The following ACTN4 variants were observed in gnomAD, a reference collection of about 807,000 sequenced individuals.
The protein encoded by ACTN4 is actinin alpha 4.
In ACTN4, 18 loss-of-function variants were observed where a neutral mutation model predicts 114.2. The ratio of observed to expected loss-of-function variants is 0.16; its 90% CI spans 0.11 to 0.23. The LOEUF (loss-of-function observed/expected upper bound fraction) is 0.23. Ranked by LOEUF, ACTN4 falls within the 10% of genes least tolerant of loss-of-function variation. The pLI is 1.00. For synonymous variants in ACTN4, 515 were observed against 506.3 expected (o/e 1.02, Z -0.23); for missense variants, 722 against 1,262.9 (o/e 0.57, Z 6.49).
chr19:38,670,851 C>T (rs1268405411), intron 1 of ACTN4, among the ~76,000 whole-genome samples: 1 of 150,530 alleles, frequency 6.6e-6, no homozygotes. Flanking sequence ...TGAACCAGGG[C>T]GTCGGAGGTT....
chr19:38,727,769 C>T lies in ACTN4; in HGVS notation c.2338-177C>T. 1.6e-6 allele frequency: 1 copy of T among 636,064 alleles called. No homozygotes were observed. 39.4% of individuals were successfully genotyped at this position (636,064 alleles called of 1,614,324 possible). ...GAGGTTGGGGAAAGGATGAAAGGGG[C>T]CCGTGCCGCCCCCGACCCCACGTGT... On this transcript the variant is annotated intron_variant, in intron 18 of 20. Coordinates refer to ENST00000252699, the MANE Select transcript of ACTN4 (RefSeq NM_004924.6). The surrounding 1 kb of genome is among the most constrained non-coding windows in gnomAD (Gnocchi z 5.4).
chr19:38,694,262 TTC>T (rs1197993284), intron 1 of ACTN4, among the ~76,000 whole-genome samples: 1 of 145,046 alleles, frequency 6.9e-6, no homozygotes, highest in Non-Finnish European at 1.5e-5. Context: ...GGCTGGGGCC[TTC>T]TTTTTTTTTT....
Position 38,651,307 on chromosome 19 carries a change from C to T in ACTN4, c.162+3400C>T, listed in dbSNP as rs187545453. 9.2e-5 allele frequency among the ~76,000 whole-genome samples: 14 copies of T among 152,250 alleles called. No individual in the cohort carries two copies. The East Asian group carries it at 2.7e-3, about 29-fold the overall frequency. On this transcript the variant is annotated intron_variant, in intron 1 of 20. Coordinates refer to ENST00000252699, the MANE Select transcript of ACTN4 (RefSeq NM_004924.6). ...CCCTTTGCTCTGACTTCTAGGGACC[C>T]CTGTAACCCGTAAGTAGGTTATGCA...
At chr19:38,722,207 CGCTGAG>C (rs1287392501) in intron 12 of ACTN4, among the ~76,000 whole-genome samples, 17 of 152,266 alleles carry the variant, frequency 1.1e-4, no homozygotes, top group Non-Finnish European at 2.1e-4. Context: ...ACAATTAGTA[CGCTGAG>C]GGTCGCGCTG....
Position 38,672,925 on chromosome 19 carries a change from T to C in ACTN4, c.162+25018T>C, listed in dbSNP as rs187413687. Among the ~76,000 whole-genome samples, 239 of 149,584 alleles carry C rather than the reference T, an allele frequency of 1.6e-3. 3 individuals are homozygous for C. The highest frequency in any genetic ancestry group is 0.013 in the East Asian group (63 of 4,942). On this transcript the variant is annotated intron_variant, in intron 1 of 20. Coordinates refer to ENST00000252699, the MANE Select transcript of ACTN4 (RefSeq NM_004924.6). ...ATCTCAGCATGATTGATGGAGATGA[T>C]GGGGTTGGCCATCCATTCTTTTTTT...
chr19:38,661,948 G>T (rs951370463), intron 1 of ACTN4, among the ~76,000 whole-genome samples: 1 of 152,086 alleles, frequency 6.6e-6, no homozygotes. Context: ...CACCGCGCCC[G>T]GCCTGGCAGC....
At position 38,711,843 on chromosome 19, in the gene ACTN4, G is replaced by A. The variant is rs139165859; in HGVS notation, c.819+1501G>A. Among the ~76,000 whole-genome samples the A allele has an allele frequency of 2.5e-3, 387 of 152,336 alleles. 2 individuals carry two copies. Among genetic ancestry groups the A allele is most frequent in the African/African-American group, 8.8e-3 (367 of 41,566 alleles). ...AGCCCAACCTGCACTCACGGTCCCA[G>A]CCCTCCAGAGGCCAGGCAGAGCCCA... is the stretch of plus-strand genomic sequence containing the variant. On this transcript the variant is annotated intron_variant, in intron 8 of 20. Transcript: ENST00000252699.
intron 11 of ACTN4, among the ~76,000 whole-genome samples, chr19:38,719,706 A>G (rs993903675): frequency 2.0e-5 from 3 of 152,228 alleles, no homozygotes; most frequent in Non-Finnish European, 2.9e-5. Context: ...GTCCTTATCC[A>G]TGGAGGCCTG....
Position 38,717,195 on chromosome 19 carries a change from T to C in ACTN4, c.1022T>C (p.Val341Ala), listed in dbSNP as rs1241712861. 1 of 1,614,090 alleles carries C rather than the reference T, an allele frequency of 6.2e-7. No individual in the cohort carries two copies. The highest frequency in any genetic ancestry group is 8.5e-7 in the Non-Finnish European group (1 of 1,180,048). The stretch of plus-strand genomic sequence containing the variant: ...GAGGACTTCCGCGACTACCGGCGTG[T>C]GCACAAGCCGCCCAAGGTGCAGGAG... ...KLEDFRDYRR[V>A]HKPPKVQEKC... Residue 341 changes from valine to alanine, a missense_variant, in exon 10 of 21, where the codon GTG (valine) becomes GCG (alanine). Val to Ala is a moderately conservative substitution (Grantham distance 64). Transcript: ENST00000252699. The surrounding 1 kb of genome is among the most constrained non-coding windows in gnomAD (Gnocchi z 4.0).
At chr19:38,713,616 G>C (rs968823698) in intron 8 of ACTN4, among the ~76,000 whole-genome samples, 2 of 152,216 alleles carry the variant, frequency 1.3e-5, no homozygotes, top group Non-Finnish European at 2.9e-5. Flanking sequence ...CAGGTGCCAT[G>C]TGTGGAGGGG....
chr19:38,650,001 G>A (rs1302227810), intron 1 of ACTN4, among the ~76,000 whole-genome samples: 1 of 152,162 alleles, frequency 6.6e-6, no homozygotes, highest in East Asian at 1.9e-4. Flanking sequence ...TGAGGGGAAG[G>A]TGAGATCTGT....
chr19:38,730,776 A>G lies in ACTN4; in HGVS notation c.*1344A>G, dbSNP rs1186192355. ...GTGGATGCCAGAGAGAGTGGCACCC[A>G]TGCCAGGCAAGGCCTAGGGAGGTGG... On this transcript the variant is annotated 3_prime_UTR_variant, in exon 21 of 21. Transcript: ENST00000252699. 7.2e-6 allele frequency: 11 copies of G among 1,522,180 alleles called. No individual in the cohort carries two copies. The highest frequency in any genetic ancestry group is 8.0e-6 in the Non-Finnish European group (9 of 1,123,664). 94.3% of individuals were successfully genotyped at this position (1,522,180 alleles called of 1,614,324 possible).
intron 8 of ACTN4, among the ~76,000 whole-genome samples, chr19:38,713,662 G>A (rs1272287028): frequency 6.6e-6 from 1 of 152,220 alleles, no homozygotes; most frequent in Non-Finnish European, 1.5e-5. Flanking sequence ...CACTGGCTCT[G>A]AGCCGTTGGC....
At chr19:38,676,094 T>C (rs1967366933) in intron 1 of ACTN4, among the ~76,000 whole-genome samples, 1 of 152,184 alleles carries the variant, frequency 6.6e-6, no homozygotes, top group Admixed American at 6.5e-5. Context: ...TAGGGTCTTG[T>C]TCTGTGGGAT....
chr19:38,702,611 T>A (rs1443499685), intron 3 of ACTN4, among the ~76,000 whole-genome samples: 1 of 152,094 alleles, frequency 6.6e-6, no homozygotes, highest in East Asian at 1.9e-4. Context: ...GTGCACAGAA[T>A]AGATTTCCTG....
rs1006790357 is a variant in ACTN4 at position 38,724,398 on chromosome 19, C to A, written c.1876-33C>A. On this transcript the variant is annotated intron_variant, in intron 15 of 20. Coordinates refer to ENST00000252699, the MANE Select transcript of ACTN4 (RefSeq NM_004924.6). This position sits in a 1 kb window ranked among gnomAD's most constrained non-coding sequence, Gnocchi z 7.0. ...GACGGCGGGGCTGGGGGCCACCTCC[C>A]TGACCGCTCCCACACCGCGTCTCCT... 1 of 1,611,888 alleles carries A rather than the reference C, an allele frequency of 6.2e-7. No homozygotes were observed. Among genetic ancestry groups the A allele is most frequent in the Non-Finnish European group, 8.5e-7 (1 of 1,179,450 alleles).
At chr19:38,726,069 C>T (rs913474040) in intron 17 of ACTN4, among the ~76,000 whole-genome samples, 166 bp downstream of exon 17, 2 of 152,128 alleles carry the variant, frequency 1.3e-5, no homozygotes, top group African/African-American at 2.4e-5. Flanking sequence ...GGGAGGATGG[C>T]TTGAGCCCAG....
chr19:38,728,433 T>A, intron 19 of ACTN4: 2 of 963,394 alleles, frequency 2.1e-6, no homozygotes, highest in Non-Finnish European at 1.4e-6. Flanking sequence ...CTCCTCCTCC[T>A]CCTCCTCCTC....
At position 38,727,160 on chromosome 19, in the gene ACTN4, A is replaced by C; in HGVS notation, c.2337+57A>C. ...CCTCCCGCCGTTGCCGTACCAGCCCACACCTTCGTCTCTGCATCTGTTCGT... is the reference window on the plus strand; with the variant it reads ...CCTCCCGCCGTTGCCGTACCAGCCCCCACCTTCGTCTCTGCATCTGTTCGT... On this transcript the variant is annotated intron_variant, in intron 18 of 20. Coordinates refer to ENST00000252699, the MANE Select transcript of ACTN4 (RefSeq NM_004924.6). The surrounding 1 kb of genome is among the most constrained non-coding windows in gnomAD (Gnocchi z 5.4). 3 of 1,612,062 alleles carry C rather than the reference A, an allele frequency of 1.9e-6. No individual in the cohort carries two copies. In the South Asian group the frequency reaches 3.3e-5, roughly 18 times the overall value.
Sources: gnomAD v4.1 joint callset for allele counts (sites outside exome capture counted in the v4.1 genomes callset) on GRCh38, gnomAD v4.1.1 for gene constraint, Gnocchi (gnomAD v3.1) non-coding constraint, MANE v1.5 for transcripts, NCBI Gene and HGNC (gene_info 2026-07-23, HGNC 2026-07-21) for gene names.